ELMO1: variants seen among roughly 807,000 people sequenced by gnomAD.
The protein encoded by ELMO1 is engulfment and cell motility protein 1.
In ELMO1, 26 loss-of-function variants were observed where a neutral mutation model predicts 98.9. The ratio of observed to expected loss-of-function variants is 0.26; its 90% CI spans 0.19 to 0.36. ELMO1 has a LOEUF of 0.36. ELMO1 is among the 10% of genes least tolerant of loss of function. The pLI is 1.00. For missense variants in ELMO1, 627 were observed against 935.2 expected, an observed-to-expected ratio of 0.67 and a Z score of 4.30; for synonymous variants, 346 against 346.0, an observed-to-expected ratio of 1.00 and a Z score of 0.00.
chr7:37,030,725 T>A (rs752588598), intron 15 of ELMO1, among the ~76,000 whole-genome samples: 7 of 152,186 alleles, frequency 4.6e-5, no homozygotes, highest in Non-Finnish European at 5.9e-5. Context: ...ATAGATTTGT[T>A]TTTTGTTTTT....
chr7:37,244,274 A>G, intron 7 of ELMO1, 82 bp downstream of exon 7: 1 of 1,415,298 alleles, frequency 7.1e-7, no homozygotes, highest in Non-Finnish European at 9.7e-7. Context: ...ATAGTTATAC[A>G]ATCAGTCAGA....
chr7:37,416,969 T>C (rs757432952), intron 1 of ELMO1, among the ~76,000 whole-genome samples: 2 of 152,368 alleles, frequency 1.3e-5, no homozygotes, highest in Admixed American at 6.5e-5. Context: ...ACCTAGCTTA[T>C]GAAATCAAAT....
intron 4 of ELMO1, among the ~76,000 whole-genome samples, chr7:37,303,541 T>C (rs1798452068): frequency 6.6e-6 from 1 of 152,228 alleles, no homozygotes; most frequent in Non-Finnish European, 1.5e-5. Flanking sequence ...AAACAAATTA[T>C]AAGAATCACA....
intron 15 of ELMO1, among the ~76,000 whole-genome samples, chr7:37,092,227 T>C (rs896384228): frequency 1.3e-5 from 2 of 151,938 alleles, no homozygotes; most frequent in East Asian, 1.9e-4. Flanking sequence ...AACCAATATA[T>C]AGAAGATAAA....
Position 36,854,016 on chromosome 7 carries a change from T to C in ELMO1, c.*1535A>G, listed in dbSNP as rs184273423. On this transcript the variant is annotated 3_prime_UTR_variant, in exon 22 of 22. Coordinates refer to ENST00000310758, the MANE Select transcript of ELMO1 (RefSeq NM_014800.11). ...GTGATGTCTTTAATTAGACCCATTC[T>C]ATAAATTATATCATGGTAAGAAAGA... is the stretch of plus-strand genomic sequence containing the variant. Among the ~76,000 whole-genome samples the C allele has an allele frequency of 6.6e-6, 1 of 152,350 alleles. No homozygotes were observed. The highest frequency in any genetic ancestry group is 1.9e-4 in the East Asian group (1 of 5,194).
intron 2 of ELMO1, among the ~76,000 whole-genome samples, chr7:37,323,376 T>G (rs1458717401): frequency 1.3e-5 from 2 of 152,184 alleles, no homozygotes; most frequent in African/African-American, 4.8e-5. Flanking sequence ...ACAAGAAGAT[T>G]TATTGCCAAT....
chr7:37,107,288 CTT>C (rs1305444448), intron 14 of ELMO1, among the ~76,000 whole-genome samples: 1 of 152,180 alleles, frequency 6.6e-6, no homozygotes, highest in African/African-American at 2.4e-5. Context: ...GGAAGTATCA[CTT>C]TGTGCAGTGA....
At chr7:37,373,249 TC>T (rs1277754894) in intron 1 of ELMO1, among the ~76,000 whole-genome samples, 1 of 152,238 alleles carries the variant, frequency 6.6e-6, no homozygotes, top group African/African-American at 2.4e-5. Context: ...GGTAGTTTAA[TC>T]AATTTACACT....
intron 6 of ELMO1, 139 bp from the exon 7 acceptor site, chr7:37,244,530 T>A: frequency 1.2e-6 from 1 of 808,420 alleles, no homozygotes; most frequent in Non-Finnish European, 2.0e-6. Flanking sequence ...TTTATCCATT[T>A]CAAGACATCA....
chr7:37,285,302 C>A (rs1270150539), intron 4 of ELMO1, among the ~76,000 whole-genome samples: 1 of 152,228 alleles, frequency 6.6e-6, no homozygotes, highest in Non-Finnish European at 1.5e-5. Flanking sequence ...CTCTTTTACT[C>A]ACAACTAACC....
At chr7:36,930,225 T>A (rs1346215575) in intron 16 of ELMO1, among the ~76,000 whole-genome samples, 1 of 152,220 alleles carries the variant, frequency 6.6e-6, no homozygotes, top group Non-Finnish European at 1.5e-5. Context: ...TAGAAATGGT[T>A]AGGTGGCTTT....
intron 4 of ELMO1, among the ~76,000 whole-genome samples, chr7:37,306,529 G>A (rs550470729): frequency 1.3e-5 from 2 of 152,238 alleles, no homozygotes; most frequent in African/African-American, 4.8e-5. Flanking sequence ...ATCTCATGCA[G>A]GAATAGTGGA....
chr7:37,351,149 G>A (rs536935462), intron 1 of ELMO1: 36 of 152,274 alleles, frequency 2.4e-4, no homozygotes, highest in Admixed American at 1.5e-3. Context: ...GACAGTGCTC[G>A]CTTCAGCAGC....
chr7:37,375,525 T>C lies in ELMO1; in HGVS notation c.-73-32762A>G, dbSNP rs1032981260. On this transcript the variant is annotated intron_variant, in intron 1 of 21. Transcript: ENST00000310758. ...CCCGGACCCCAGAGCCACCAAGATG[T>C]TGATGCCTAAGAAGAACCAGATTGC... 7.2e-6 allele frequency: 7 copies of C among 969,022 alleles called. No individual in the cohort carries two copies. The African/African-American group carries it at 9.6e-5, about 13-fold the overall frequency. The allele number at this position is 969,022 out of a possible 1,614,324, so 60.0% of individuals were successfully genotyped here.
At chr7:36,941,357 C>A (rs1787018090) in intron 16 of ELMO1, among the ~76,000 whole-genome samples, 2 of 152,250 alleles carry the variant, frequency 1.3e-5, no homozygotes, top group South Asian at 4.1e-4. Context: ...TTCCTTAGAT[C>A]AGTGTTTTTC....
intron 4 of ELMO1, among the ~76,000 whole-genome samples, chr7:37,273,598 G>C (rs754711810): frequency 3.3e-5 from 5 of 152,190 alleles, no homozygotes; most frequent in African/African-American, 4.8e-5. Context: ...TGACATTGAA[G>C]ATAGAATTTC....
At chr7:37,316,454 C>A (rs1426470969) in intron 2 of ELMO1, among the ~76,000 whole-genome samples, 1 of 152,186 alleles carries the variant, frequency 6.6e-6, no homozygotes, top group Admixed American at 6.5e-5. Flanking sequence ...ACATAGAATT[C>A]TTCCCCTGAT....
At chr7:37,146,603 C>G (rs1453412242) in intron 13 of ELMO1, among the ~76,000 whole-genome samples, 2 of 152,128 alleles carry the variant, frequency 1.3e-5, no homozygotes, top group African/African-American at 4.8e-5. Flanking sequence ...ACTTTGTAAC[C>G]CCCAACATGG....
intron 1 of ELMO1, among the ~76,000 whole-genome samples, chr7:37,447,690 C>T (rs1583783713): frequency 6.7e-6 from 1 of 149,118 alleles, no homozygotes; most frequent in Admixed American, 6.6e-5. Flanking sequence ...ACCACACACA[C>T]ATACATACGC....
Sources: allele counts gnomAD v4.1 joint callset (sites outside exome capture counted in the v4.1 genomes callset), GRCh38; gene constraint gnomAD v4.1.1; transcripts MANE v1.5; gene names NCBI Gene and HGNC (gene_info 2026-07-23, HGNC 2026-07-21).